The following GABRA2 variants were observed in gnomAD, a reference collection of about 807,000 sequenced individuals.
GABRA2 encodes gamma-aminobutyric acid receptor subunit alpha-2.
GABRA2 carries 16 observed loss-of-function variants against 48.7 expected under a neutral mutation model. The observed-to-expected ratio is 0.33, with a 90% CI of 0.22 to 0.50. The LOEUF (loss-of-function observed/expected upper bound fraction) is 0.50. Ranked by LOEUF, GABRA2 falls within the 20% of genes least tolerant of loss-of-function variation. The pLI is 0.98. For synonymous variants in GABRA2, 185 were observed against 184.5 expected, an observed-to-expected ratio of 1.00 and a Z score of -0.02; for missense variants, 275 against 535.6, an observed-to-expected ratio of 0.51 and a Z score of 4.80.
At chr4:46,352,016 C>T (rs2109912802) in intron 3 of GABRA2, among the ~76,000 whole-genome samples, 1 of 151,102 alleles carries the variant, frequency 6.6e-6, no homozygotes, top group South Asian at 2.1e-4. Context: ...CCTGCCATTC[C>T]TGGTAGTCTT....
At chr4:46,328,701 C>T (rs1439347595) in intron 4 of GABRA2, among the ~76,000 whole-genome samples, 1 of 151,940 alleles carries the variant, frequency 6.6e-6, no homozygotes, top group African/African-American at 2.4e-5. Context: ...CGTATGTATA[C>T]ATGTGCCATG....
At chr4:46,386,030 G>A (rs897429811) in intron 3 of GABRA2, 44 bp downstream of exon 3, 18 of 1,144,724 alleles carry the variant, frequency 1.6e-5, no homozygotes, top group Non-Finnish European at 2.4e-5. Context: ...AACTTTTAAA[G>A]GCATTATTTT....
At chr4:46,351,143 A>G (rs1482941250) in intron 3 of GABRA2, among the ~76,000 whole-genome samples, 1 of 151,562 alleles carries the variant, frequency 6.6e-6, no homozygotes, top group Non-Finnish European at 1.5e-5. Context: ...ACGGGGGGCT[A>G]TTAACCATAG....
At chr4:46,256,940 A>G (rs543243516) in intron 9 of GABRA2, among the ~76,000 whole-genome samples, 26 of 151,788 alleles carry the variant, frequency 1.7e-4, no homozygotes, top group Non-Finnish European at 3.0e-4. Flanking sequence ...AGTGTTTTCT[A>G]TAATTTCCTT....
chr4:46,301,941 T>C (rs1046148987), intron 8 of GABRA2, among the ~76,000 whole-genome samples: 2 of 152,158 alleles, frequency 1.3e-5, no homozygotes, highest in Admixed American at 1.3e-4. Context: ...AAAACGTGCT[T>C]GGCCCAATTC....
chr4:46,359,380 A>C (rs1444164978), intron 3 of GABRA2, among the ~76,000 whole-genome samples: 1 of 152,160 alleles, frequency 6.6e-6, no homozygotes, highest in African/African-American at 2.4e-5. Context: ...TTTCATTATA[A>C]TCATTATACT....
intron 3 of GABRA2, among the ~76,000 whole-genome samples, chr4:46,369,903 C>A (rs1714622378): frequency 6.6e-6 from 1 of 151,912 alleles, no homozygotes; most frequent in African/African-American, 2.4e-5. Context: ...TAAGCTAAAA[C>A]CTAAAAATAG....
At chr4:46,341,449 T>G (rs1237682045) in intron 3 of GABRA2, among the ~76,000 whole-genome samples, 1 of 152,040 alleles carries the variant, frequency 6.6e-6, no homozygotes. Flanking sequence ...CTGTTGCTAT[T>G]TTTTGTTTAG....
intron 3 of GABRA2, among the ~76,000 whole-genome samples, chr4:46,334,175 A>T (rs1731824670): frequency 6.6e-6 from 1 of 152,146 alleles, no homozygotes; most frequent in African/African-American, 2.4e-5. Flanking sequence ...AAAGTACCAT[A>T]GGACCCTGAG....
chr4:46,360,726 A>T (rs1032903870), intron 3 of GABRA2, among the ~76,000 whole-genome samples: 10 of 152,186 alleles, frequency 6.6e-5, no homozygotes, highest in African/African-American at 2.2e-4. Flanking sequence ...AGAAGACAAG[A>T]AAATGTGGGA....
In GABRA2 at chr4:46,279,595, G is replaced by A. The variant is rs188000022; in HGVS notation, c.857-17467C>T. On this transcript the variant is annotated intron_variant, in intron 8 of 9. Coordinates refer to ENST00000381620, the MANE Select transcript of GABRA2 (RefSeq NM_000807.4). Reference sequence around the variant, plus strand: ...ATTGATATGTCATAAAAAATCTTACGTGGAAATATGTCTTTATATATTAAA... The same window carrying A: ...ATTGATATGTCATAAAAAATCTTACATGGAAATATGTCTTTATATATTAAA... Among the ~76,000 whole-genome samples the A allele has an allele frequency of 2.8e-3, 430 of 151,716 alleles. 1 individual carries two copies. The highest frequency in any genetic ancestry group is 0.014 in the Middle Eastern group (4 of 292).
chr4:46,311,368 T>C (rs919316648), intron 5 of GABRA2, among the ~76,000 whole-genome samples: 6 of 152,196 alleles, frequency 3.9e-5, no homozygotes, highest in Non-Finnish European at 7.3e-5. Context: ...CTAACACTTA[T>C]CTTATGAAAT....
chr4:46,340,835 T>G (rs2109852804), intron 3 of GABRA2, among the ~76,000 whole-genome samples: 1 of 152,164 alleles, frequency 6.6e-6, no homozygotes. Flanking sequence ...CTGTCCTTTC[T>G]TTCCTTTCCT....
chr4:46,284,916 C>T (rs1391906777), intron 8 of GABRA2, among the ~76,000 whole-genome samples: 1 of 150,920 alleles, frequency 6.6e-6, no homozygotes, highest in Non-Finnish European at 1.5e-5. Context: ...AATTATCTTT[C>T]ATCAGGGAGA....
chr4:46,382,963 T>G (rs545511307), intron 3 of GABRA2, among the ~76,000 whole-genome samples: 1 of 152,174 alleles, frequency 6.6e-6, no homozygotes, highest in Non-Finnish European at 1.5e-5. Context: ...TTGAGCCCAT[T>G]TTTCCCTTAT....
chr4:46,345,568 T>C (rs1734015667), intron 3 of GABRA2, among the ~76,000 whole-genome samples: 1 of 151,826 alleles, frequency 6.6e-6, no homozygotes, highest in Non-Finnish European at 1.5e-5. Flanking sequence ...TAAGGCATGT[T>C]CCACGTCACT....
rs140688818 is a variant in GABRA2 at position 46,379,578 on chromosome 4, G to A, written c.187+6496C>T. Among the ~76,000 whole-genome samples, 40 of 152,214 alleles carry A rather than the reference G, an allele frequency of 2.6e-4. 1 individual carries two copies. In the East Asian group the frequency reaches 6.6e-3, roughly 25 times the overall value. On this transcript the variant is annotated intron_variant, in intron 3 of 9. Coordinates refer to ENST00000381620, the MANE Select transcript of GABRA2 (RefSeq NM_000807.4). ...GGAGCCTAGTGGGTGGATCTCATGCGGAGCATTAAAGGGCTCTGAAATCTT... is the reference window on the plus strand; with the variant it reads ...GGAGCCTAGTGGGTGGATCTCATGCAGAGCATTAAAGGGCTCTGAAATCTT...
chr4:46,367,960 G>C (rs1714302394), intron 3 of GABRA2: 3 of 152,100 alleles, frequency 2.0e-5, no homozygotes, highest in Non-Finnish European at 2.9e-5. Flanking sequence ...ATGGACTGTG[G>C]GCAGAGGGAC....
chr4:46,284,852 G>A (rs1424972219), intron 8 of GABRA2, among the ~76,000 whole-genome samples: 1 of 151,692 alleles, frequency 6.6e-6, no homozygotes, highest in Non-Finnish European at 1.5e-5. Flanking sequence ...ATTAAAACTT[G>A]TGTGGATTAC....
Sources: allele counts gnomAD v4.1 joint callset (sites outside exome capture counted in the v4.1 genomes callset), GRCh38; gene constraint gnomAD v4.1.1; transcripts MANE v1.5; gene names NCBI Gene and HGNC (gene_info 2026-07-23, HGNC 2026-07-21).